The following NUP35 variants were observed in gnomAD, a reference collection of about 807,000 sequenced individuals.
NUP35 encodes nucleoporin 35.
NUP35 carries 25 observed loss-of-function variants against 41.5 expected under a neutral mutation model. The ratio of observed to expected loss-of-function variants is 0.60; its 90% CI spans 0.44 to 0.84. NUP35 has a LOEUF of 0.84. Among genes scored for constraint, NUP35 ranks in the 40% least tolerant of loss-of-function variants. The pLI, the probability that NUP35 is intolerant of heterozygous loss-of-function variation, is 0.00. For missense variants in NUP35, 396 were observed against 396.6 expected (o/e 1.00, Z 0.01); for synonymous variants, 149 against 130.7 (o/e 1.14, Z -0.96).
chr2:183,131,056 TG>T, intron 3 of NUP35: 1 of 503,724 alleles, frequency 2.0e-6, no homozygotes, highest in Non-Finnish European at 3.6e-6. Context: ...GTCATAACTC[TG>T]CAGCCTTGAA....
At chr2:183,131,907 A>G (rs894350470) in intron 3 of NUP35, among the ~76,000 whole-genome samples, 3 of 152,208 alleles carry the variant, frequency 2.0e-5, no homozygotes, top group African/African-American at 4.8e-5. Context: ...CTAAAGGTTG[A>G]TAAGTAAAGC....
chr2:183,143,109 T>G (rs1685157340), intron 4 of NUP35, among the ~76,000 whole-genome samples: 1 of 147,068 alleles, frequency 6.8e-6, no homozygotes, highest in Admixed American at 6.8e-5. Context: ...TGAGCTGAGA[T>G]CGAGCCACTG....
rs73040903 is a variant in NUP35 at position 183,130,614 on chromosome 2, C to G, written c.339+69C>G. The G allele has an allele frequency of 1.6e-3, 2,412 of 1,480,730 alleles. 40 individuals carry two copies. In the African/African-American group the frequency reaches 0.029, roughly 18 times the overall value. The allele number at this position is 1,480,730 out of a possible 1,614,324, so 91.7% of individuals were successfully genotyped here. On this transcript the variant is annotated intron_variant, in intron 3 of 8. Transcript: ENST00000295119. The stretch of plus-strand genomic sequence containing the variant: ...TTTTATGTGTCTGTTCAGTGAGAGT[C>G]AATACTTTGAAATGTTTCCCTGAAG...
At chr2:183,150,457 G>A (rs1286356966) in intron 4 of NUP35, among the ~76,000 whole-genome samples, 3 of 152,042 alleles carry the variant, frequency 2.0e-5, no homozygotes, top group Non-Finnish European at 4.4e-5. Flanking sequence ...CATGGCCTTT[G>A]TTTTATTATT....
chr2:183,152,980 C>G (rs1034125492), intron 5 of NUP35, among the ~76,000 whole-genome samples: 2 of 152,174 alleles, frequency 1.3e-5, no homozygotes, highest in East Asian at 3.8e-4. Flanking sequence ...GGTTCCATGG[C>G]TGGACAGGCC....
In NUP35 at chr2:183,157,480, A is replaced by G. The variant is rs746764010; in HGVS notation, c.576A>G (p.Gln192=). The part of the protein sequence containing the change: ...PQASASYILL[Q]FAQYGNILKH... ...CATCTGCTTCCTACATATTACTACA[A>G]TTTGCACAGTATGGGAATATCTTAA... The change falls in exon 6 of 9, where the codon CAA becomes CAG. Residue 192 remains glutamine, a synonymous_variant. Transcript: ENST00000295119. The G allele has an allele frequency of 2.4e-5, 38 of 1,612,934 alleles. 1 individual carries two copies. Among genetic ancestry groups the G allele is most frequent in the Middle Eastern group, 1.6e-4 (1 of 6,080 alleles).
At chr2:183,151,768 C>T in intron 5 of NUP35, 119 bp downstream of exon 5, 1 of 860,712 alleles carries the variant, frequency 1.2e-6, no homozygotes, top group Non-Finnish European at 1.8e-6. Context: ...TTACTACCAC[C>T]TAGGTTCTAT....
In NUP35 at chr2:183,130,526, C is replaced by CTTTAACT; in HGVS notation, c.322_328dup (p.Ser110PhefsTer31). ...TCTAGCCCAGGACTTGGATCAACAC[C>CTTTAACT]TTTAACTTCAAGAAGACAGGTAATA... is the stretch of plus-strand genomic sequence containing the variant. On this transcript the variant is annotated frameshift_variant, in exon 3 of 9. Coordinates refer to ENST00000295119, the MANE Select transcript of NUP35 (RefSeq NM_138285.5). LOFTEE classifies it high-confidence loss of function. 6.2e-7 allele frequency: 1 copy of CTTTAACT among 1,613,176 alleles called. No homozygotes were observed. The highest frequency in any genetic ancestry group is 8.5e-7 in the Non-Finnish European group (1 of 1,179,690).
chr2:183,133,773 G>T, intron 4 of NUP35, 150 bp downstream of exon 4: 1 of 512,068 alleles, frequency 2.0e-6, no homozygotes, highest in South Asian at 5.0e-5. Context: ...TAAAATGTTT[G>T]TTGGTAACTG....
intron 4 of NUP35, among the ~76,000 whole-genome samples, chr2:183,144,229 G>A (rs1464049525): frequency 2.6e-5 from 4 of 152,188 alleles, no homozygotes; most frequent in Non-Finnish European, 4.4e-5. Context: ...CAGCGTCAAT[G>A]TATGGCAATA....
rs144970071 is a variant in NUP35, at chr2:183,148,168, G to A, written c.398-3340G>A. On this transcript the variant is annotated intron_variant, in intron 4 of 8. Transcript: ENST00000295119. ...CCTTTAAATGGCTGAATAATATTCCGTTGTATATATACACCACATTTTCTT... is the reference window on the plus strand; with the variant it reads ...CCTTTAAATGGCTGAATAATATTCCATTGTATATATACACCACATTTTCTT... Among the ~76,000 whole-genome samples, 446 of 152,162 alleles carry A rather than the reference G, an allele frequency of 2.9e-3. 1 individual carries two copies. The highest frequency in any genetic ancestry group is 5.2e-3 in the Non-Finnish European group (353 of 67,992).
chr2:183,146,709 G>T (rs1348584373), intron 4 of NUP35, among the ~76,000 whole-genome samples: 1 of 151,762 alleles, frequency 6.6e-6, no homozygotes, highest in Non-Finnish European at 1.5e-5. Context: ...CGATTCTCTT[G>T]TCTCAGCTTC....
intron 3 of NUP35, among the ~76,000 whole-genome samples, chr2:183,132,025 T>C (rs1392227960): frequency 6.6e-6 from 1 of 151,912 alleles, no homozygotes; most frequent in African/African-American, 2.4e-5. Flanking sequence ...TATTTTTATT[T>C]ATTATTATTA....
chr2:183,138,269 A>ATT (rs147315571), intron 4 of NUP35, among the ~76,000 whole-genome samples: 27 of 80,696 alleles, frequency 3.3e-4, no homozygotes, highest in South Asian at 2.4e-3. Flanking sequence ...ATATATATAT[A>ATT]TTTTTTTTTT....
At chr2:183,127,627 G>A (rs1300842011) in intron 1 of NUP35, among the ~76,000 whole-genome samples, 1 of 152,116 alleles carries the variant, frequency 6.6e-6, no homozygotes, top group African/African-American at 2.4e-5. Flanking sequence ...AACCCATTGT[G>A]TTTGATATGC....
chr2:183,137,895 G>C (rs1684936103), intron 4 of NUP35, among the ~76,000 whole-genome samples: 1 of 151,928 alleles, frequency 6.6e-6, no homozygotes, highest in African/African-American at 2.4e-5. Flanking sequence ...CCGTTGTCAA[G>C]TAGAAAAGCG....
chr2:183,130,260 C>A (rs1406208550), intron 2 of NUP35, among the ~76,000 whole-genome samples, 158 bp from the exon 3 acceptor site: 1 of 152,012 alleles, frequency 6.6e-6, no homozygotes, highest in East Asian at 1.9e-4. Context: ...GAATCAGAGT[C>A]TGAATTTTAA....
At chr2:183,138,269 A>ATATTTTTTTTTTTTT in intron 4 of NUP35, among the ~76,000 whole-genome samples, 2 of 80,690 alleles carry the variant, frequency 2.5e-5, no homozygotes, top group Non-Finnish European at 4.4e-5. Flanking sequence ...ATATATATAT[A>ATATTTTTTTTTTTTT]TTTTTTTTTT....
At chr2:183,135,488 G>C (rs1454824829) in intron 4 of NUP35, among the ~76,000 whole-genome samples, 1 of 152,278 alleles carries the variant, frequency 6.6e-6, no homozygotes, top group African/African-American at 2.4e-5. Context: ...TGTCACAATT[G>C]GTCTTTACCC....
Sources: gnomAD v4.1 joint callset for allele counts (sites outside exome capture counted in the v4.1 genomes callset) on GRCh38, gnomAD v4.1.1 for gene constraint, MANE v1.5 for transcripts, NCBI Gene and HGNC (gene_info 2026-07-23, HGNC 2026-07-21) for gene names.